FRMD4B: variants seen among roughly 807,000 people sequenced by gnomAD.
FRMD4B encodes the protein FERM domain containing 4B, also known as FERM domain-containing protein 4B.
FRMD4B carries 74 observed loss-of-function variants against 141.5 expected under a neutral mutation model. That is an observed-to-expected ratio of 0.52 (90% CI 0.43 to 0.63). FRMD4B has a LOEUF of 0.63. Among genes scored for constraint, FRMD4B ranks in the 30% least tolerant of loss-of-function variants. The pLI is 0.00. For missense variants in FRMD4B, 1,366 were observed against 1,253.4 expected, an observed-to-expected ratio of 1.09 and a Z score of -1.36; for synonymous variants, 506 against 467.9, an observed-to-expected ratio of 1.08 and a Z score of -1.05.
chr3:69,465,520 C>T (rs1705769010), intron 1 of FRMD4B, among the ~76,000 whole-genome samples: 1 of 152,048 alleles, frequency 6.6e-6, no homozygotes, highest in African/African-American at 2.4e-5. Flanking sequence ...AGGTATATCT[C>T]CTAATGCTAT....
At chr3:69,411,455 G>A (rs1704760503) in intron 2 of FRMD4B, among the ~76,000 whole-genome samples, 1 of 152,182 alleles carries the variant, frequency 6.6e-6, no homozygotes, top group South Asian at 2.1e-4. Flanking sequence ...GGGATAGAGA[G>A]GGAGAAGCTG....
chr3:69,353,564 G>A (rs1240377929), intron 1 of FRMD4B: 4 of 984,890 alleles, frequency 4.1e-6, no homozygotes, highest in African/African-American at 1.7e-5. Flanking sequence ...CCATGACCTC[G>A]GCTCATTTAA....
chr3:69,254,534 A>G (rs2093481245), intron 5 of FRMD4B, among the ~76,000 whole-genome samples: 1 of 152,190 alleles, frequency 6.6e-6, no homozygotes, highest in Non-Finnish European at 1.5e-5. Context: ...TCCAAGGGGA[A>G]GCTGACACAT....
intron 1 of FRMD4B, among the ~76,000 whole-genome samples, chr3:69,527,904 C>A (rs889310669): frequency 3.3e-5 from 5 of 152,120 alleles, no homozygotes; most frequent in Non-Finnish European, 7.4e-5. Flanking sequence ...ACAAAATGCC[C>A]CACAAAATGG....
At position 69,196,966 on chromosome 3, in the gene FRMD4B, G is replaced by T; in HGVS notation, c.1026C>A (p.Leu342=). The part of the protein sequence containing the change: ...FVQTWYANSS[L]IKSIWVMAIS... ...TTGCCATTACCCAAATGGACTTGAT[G>T]AGAGAAGAGTTAGCATACCATGTTT... The change falls in exon 13 of 23, where the codon CTC becomes CTA. Residue 342 remains leucine (L), a synonymous_variant. Transcript: ENST00000398540. 6.2e-7 allele frequency: 1 copy of T among 1,607,392 alleles called. No homozygotes were observed. Among genetic ancestry groups the T allele is most frequent in the Non-Finnish European group, 8.5e-7 (1 of 1,173,842 alleles).
chr3:69,447,542 T>C (rs554558353), intron 1 of FRMD4B, among the ~76,000 whole-genome samples: 1 of 152,342 alleles, frequency 6.6e-6, no homozygotes, highest in African/African-American at 2.4e-5. Context: ...AATCAAGATA[T>C]GGAATATTTC....
chr3:69,266,079 G>A (rs546552736), intron 5 of FRMD4B, among the ~76,000 whole-genome samples: 36 of 152,048 alleles, frequency 2.4e-4, no homozygotes, highest in African/African-American at 8.4e-4. Context: ...GCATGCACCT[G>A]TAGTCCCAGC....
rs1007253885 is a variant in FRMD4B at position 69,190,028 on chromosome 3, A to G, written c.1715-76T>C. ...GAGGGGTCTTAGATAAACAATTTTC[A>G]ATGGAATGCATTTTCATTTAAATAA... On this transcript the variant is annotated intron_variant, in intron 17 of 22. Coordinates refer to ENST00000398540, the MANE Select transcript of FRMD4B (RefSeq NM_015123.3). The G allele has an allele frequency of 1.8e-5, 14 of 767,824 alleles. No individual in the cohort carries two copies. The Admixed American group carries it at 3.1e-4, about 17-fold the overall frequency. The allele number at this position is 767,824 out of a possible 1,614,324, so 47.6% of individuals were successfully genotyped here.
At chr3:69,486,983 G>T (rs890513033) in intron 1 of FRMD4B, among the ~76,000 whole-genome samples, 12 of 152,138 alleles carry the variant, frequency 7.9e-5, no homozygotes, top group African/African-American at 2.9e-4. Context: ...TTCCTTAAAA[G>T]ATAAATTACC....
intron 4 of FRMD4B, among the ~76,000 whole-genome samples, chr3:69,299,276 A>G (rs894072213): frequency 2.0e-5 from 3 of 152,212 alleles, no homozygotes; most frequent in South Asian, 2.1e-4. Flanking sequence ...AAAAACCTCA[A>G]TGTGATCACC....
Position 69,190,403 on chromosome 3 carries a change from G to T in FRMD4B, c.1715-451C>A, listed in dbSNP as rs1575593540. The stretch of plus-strand genomic sequence containing the variant: ...CTTTTGACCCCTCCCTGAAAGAAAA[G>T]GCCTTTTTTTTTTTTTCTTGTTTGT... On this transcript the variant is annotated intron_variant, in intron 17 of 22. Coordinates refer to ENST00000398540, the MANE Select transcript of FRMD4B (RefSeq NM_015123.3). 7.5e-5 allele frequency among the ~76,000 whole-genome samples: 4 copies of T among 53,094 alleles called. 1 individual carries two copies. The highest frequency in any genetic ancestry group is 1.3e-4 in the African/African-American group (4 of 31,464). The allele number at this position is 53,094 out of a possible 152,430, so 34.8% of individuals were successfully genotyped here. A position where few individuals can be genotyped will look rare whatever the true frequency, so the allele number is the denominator to read the frequency against.
intron 5 of FRMD4B, among the ~76,000 whole-genome samples, chr3:69,285,395 G>A (rs1356721279): frequency 2.2e-5 from 2 of 91,416 alleles, no homozygotes; most frequent in African/African-American, 3.6e-5. Flanking sequence ...CATACATGAG[G>A]CCAAAAAAAA....
At chr3:69,488,995 G>A (rs1443741055) in intron 1 of FRMD4B, among the ~76,000 whole-genome samples, 2 of 150,792 alleles carry the variant, frequency 1.3e-5, no homozygotes, top group Non-Finnish European at 1.5e-5. Flanking sequence ...TTCCTTAGAT[G>A]TGACACCCAG....
In FRMD4B at chr3:69,351,141, T is replaced by C. The variant is rs556909930; in HGVS notation, c.162+34687A>G. On this transcript the variant is annotated intron_variant, in intron 1 of 22. Transcript: ENST00000398540. ...ACCTTCCTTTCTTAGATTGCTGTTATTGGAATAATAAATTGATTGTTTAAC... is the reference window on the plus strand; with the variant it reads ...ACCTTCCTTTCTTAGATTGCTGTTACTGGAATAATAAATTGATTGTTTAAC... 8.5e-5 allele frequency among the ~76,000 whole-genome samples: 13 copies of C among 152,306 alleles called. No homozygotes were observed. The East Asian group carries it at 2.3e-3, about 27-fold the overall frequency.
At chr3:69,451,186 G>A (rs1401411477) in intron 1 of FRMD4B, among the ~76,000 whole-genome samples, 1 of 151,600 alleles carries the variant, frequency 6.6e-6, no homozygotes, top group African/African-American at 2.4e-5. Flanking sequence ...TCATAGCCAG[G>A]GTGGTGATTT....
chr3:69,474,554 C>T (rs1217889193), intron 1 of FRMD4B, among the ~76,000 whole-genome samples: 1 of 152,156 alleles, frequency 6.6e-6, no homozygotes, highest in Non-Finnish European at 1.5e-5. Flanking sequence ...CATCTATGAG[C>T]ATTTCTGCCC....
At chr3:69,421,137 T>A (rs1275809076) in intron 2 of FRMD4B, among the ~76,000 whole-genome samples, 1 of 152,188 alleles carries the variant, frequency 6.6e-6, no homozygotes, top group Non-Finnish European at 1.5e-5. Context: ...GCAGCTTAGA[T>A]ACACCCAGGT....
chr3:69,344,510 C>T (rs1427799060), intron 1 of FRMD4B, among the ~76,000 whole-genome samples: 4 of 152,212 alleles, frequency 2.6e-5, no homozygotes, highest in African/African-American at 7.2e-5. Flanking sequence ...CAGCATTAGT[C>T]TAATCCCTTC....
intron 7 of FRMD4B, among the ~76,000 whole-genome samples, chr3:69,225,777 ATACTC>A (rs1421985667): frequency 2.7e-5 from 4 of 150,232 alleles, no homozygotes; most frequent in African/African-American, 9.8e-5. Flanking sequence ...ATGAGAGAAA[ATACTC>A]TAACTACTGA....
Sources: allele counts gnomAD v4.1 joint callset (sites outside exome capture counted in the v4.1 genomes callset), GRCh38; gene constraint gnomAD v4.1.1; transcripts MANE v1.5; gene names NCBI Gene and HGNC (gene_info 2026-07-23, HGNC 2026-07-21).